C9: variants seen among roughly 807,000 people sequenced by gnomAD.
C9 encodes the protein complement C9.
Under a neutral mutation model 65.4 loss-of-function variants are expected in C9, and 63 were observed. The observed-to-expected ratio is 0.96, with a 90% CI of 0.79 to 1.19. C9 has a LOEUF of 1.19. C9 is among the 50% of genes most tolerant of loss of function. The pLI is 0.00. For missense variants in C9, 744 were observed against 670.1 expected (o/e 1.11, Z -1.22); for synonymous variants, 229 against 227.9 (o/e 1.00, Z -0.04).
At chr5:39,355,056 G>C (rs1359394687) in intron 1 of C9, among the ~76,000 whole-genome samples, 1 of 152,080 alleles carries the variant, frequency 6.6e-6, no homozygotes, top group Non-Finnish European at 1.5e-5. Flanking sequence ...TATTACTTTT[G>C]TATTTGTCGT....
At chr5:39,333,250 AC>A (rs1434001376) in intron 4 of C9, among the ~76,000 whole-genome samples, 1 of 152,128 alleles carries the variant, frequency 6.6e-6, no homozygotes, top group African/African-American at 2.4e-5. Flanking sequence ...TGACCTCATC[AC>A]CGGCAAAGTA....
chr5:39,297,714 A>G (rs1231830218), intron 9 of C9, among the ~76,000 whole-genome samples: 2 of 151,724 alleles, frequency 1.3e-5, no homozygotes, highest in African/African-American at 4.8e-5. Context: ...TAAAATACAT[A>G]AAGCTCAAAC....
intron 1 of C9, among the ~76,000 whole-genome samples, chr5:39,352,799 C>T (rs1329616948): frequency 6.6e-6 from 1 of 151,780 alleles, no homozygotes; most frequent in Non-Finnish European, 1.5e-5. Flanking sequence ...GAGAAACCTT[C>T]AGTAGCTTCC....
intron 5 of C9, among the ~76,000 whole-genome samples, chr5:39,328,416 C>G (rs891858900): frequency 6.6e-6 from 1 of 152,156 alleles, no homozygotes; most frequent in Non-Finnish European, 1.5e-5. Context: ...ACCTACTGAA[C>G]AATGTGGAGG....
chr5:39,311,484 G>T, intron 6 of C9, 107 bp from the exon 7 acceptor site: 2 of 1,043,034 alleles, frequency 1.9e-6, no homozygotes, highest in South Asian at 2.6e-5. Flanking sequence ...TTTTAGCAGT[G>T]ACCATGAGAT....
At chr5:39,341,084 TGAGA>T in intron 4 of C9, 58 bp downstream of exon 4, 1 of 1,559,368 alleles carries the variant, frequency 6.4e-7, no homozygotes, top group South Asian at 1.1e-5. Context: ...TCTATCACAA[TGAGA>T]GAGATGGAGA....
chr5:39,311,429 C>G (rs777737225), intron 6 of C9, 52 bp from the exon 7 acceptor site: 1 of 1,585,466 alleles, frequency 6.3e-7, no homozygotes, highest in South Asian at 1.1e-5. Context: ...TCCACCATTT[C>G]AAATGAAAAT....
intron 8 of C9, among the ~76,000 whole-genome samples, chr5:39,307,915 T>A (rs1195017830): frequency 6.6e-6 from 1 of 152,080 alleles, no homozygotes; most frequent in Non-Finnish European, 1.5e-5. Flanking sequence ...TTTGTTAAAA[T>A]TAGGGTGAAG....
At chr5:39,296,676 C>T (rs1252775457) in intron 9 of C9, among the ~76,000 whole-genome samples, 1 of 151,300 alleles carries the variant, frequency 6.6e-6, no homozygotes, top group African/African-American at 2.4e-5. Flanking sequence ...TCACAGTAGC[C>T]ACATGGATAA....
intron 5 of C9, among the ~76,000 whole-genome samples, chr5:39,330,793 T>C (rs1160442288): frequency 3.9e-5 from 6 of 152,222 alleles, no homozygotes; most frequent in Non-Finnish European, 8.8e-5. Flanking sequence ...GGTCAAGATA[T>C]GACAGTCTTT....
chr5:39,324,490 C>T (rs1240266287), intron 5 of C9, among the ~76,000 whole-genome samples: 5 of 152,082 alleles, frequency 3.3e-5, no homozygotes, highest in Non-Finnish European at 7.4e-5. Context: ...AACTCAGCAG[C>T]GTAGAGGGCC....
chr5:39,346,561 G>A (rs944290525), intron 1 of C9, among the ~76,000 whole-genome samples: 1 of 152,294 alleles, frequency 6.6e-6, no homozygotes, highest in African/African-American at 2.4e-5. Context: ...TCCAGGACCA[G>A]ATGGATTCAC....
intron 5 of C9, among the ~76,000 whole-genome samples, chr5:39,319,393 T>G (rs1753627829): frequency 6.6e-6 from 1 of 151,770 alleles, no homozygotes; most frequent in Non-Finnish European, 1.5e-5. Context: ...CGAGGCCAGT[T>G]TCACAGACAA....
At chr5:39,337,196 T>C (rs1434920898) in intron 4 of C9, among the ~76,000 whole-genome samples, 1 of 152,246 alleles carries the variant, frequency 6.6e-6, no homozygotes. Context: ...AGCTACATAA[T>C]TAATAGTTGA....
At chr5:39,314,340 T>G (rs1175540661) in intron 6 of C9, among the ~76,000 whole-genome samples, 1 of 151,942 alleles carries the variant, frequency 6.6e-6, no homozygotes, top group Non-Finnish European at 1.5e-5. Context: ...TCCCAGCTAC[T>G]CGGGAGGCTG....
rs1753847319 is a variant in C9 at position 39,331,868 on chromosome 5, G to A, written c.477-54C>T. On this transcript the variant is annotated intron_variant, in intron 4 of 10. Coordinates refer to ENST00000263408, the MANE Select transcript of C9 (RefSeq NM_001737.5). ...TGGAAATACCACAACACAATGCAAGGCAGCCCTCTGTAGCTGGAAAAAGTG... is the reference window on the plus strand; with the variant it reads ...TGGAAATACCACAACACAATGCAAGACAGCCCTCTGTAGCTGGAAAAAGTG... 1.3e-5 allele frequency: 20 copies of A among 1,515,510 alleles called. No individual in the cohort carries two copies. The South Asian group carries it at 2.1e-4, about 16-fold the overall frequency. 93.9% of individuals were successfully genotyped at this position (1,515,510 alleles called of 1,614,324 possible). A position where few individuals can be genotyped will look rare whatever the true frequency, so the allele number is the denominator to read the frequency against.
At chr5:39,323,524 C>T (rs571698357) in intron 5 of C9, among the ~76,000 whole-genome samples, 3 of 149,330 alleles carry the variant, frequency 2.0e-5, no homozygotes, top group South Asian at 4.3e-4. Flanking sequence ...ATATGCAAAT[C>T]AATAATTGTG....
chr5:39,356,677 A>T (rs567573289), intron 1 of C9, among the ~76,000 whole-genome samples: 1 of 152,386 alleles, frequency 6.6e-6, no homozygotes, highest in African/African-American at 2.4e-5. Flanking sequence ...AGCAGAGAAT[A>T]ACAAGTCATG....
chr5:39,336,316 T>C (rs941684076), intron 4 of C9, among the ~76,000 whole-genome samples: 1 of 152,142 alleles, frequency 6.6e-6, no homozygotes, highest in Non-Finnish European at 1.5e-5. Context: ...TATTCTTGAA[T>C]CCACATTTCT....
Sources: gnomAD v4.1 joint callset for allele counts (sites outside exome capture counted in the v4.1 genomes callset) on GRCh38, gnomAD v4.1.1 for gene constraint, MANE v1.5 for transcripts, NCBI Gene and HGNC (gene_info 2026-07-23, HGNC 2026-07-21) for gene names.